Variants in HIVEP3 observed in about 807,000 individuals in gnomAD.
The protein encoded by HIVEP3 is HIVEP zinc finger 3, also known as transcription factor HIVEP3.
A neutral mutation model predicts 152.8 loss-of-function variants in HIVEP3; 49 were observed. The observed-to-expected ratio is 0.32, with a 90% confidence interval of 0.26 to 0.41. HIVEP3 has a LOEUF of 0.41. HIVEP3 is among the 10% of genes least tolerant of loss of function. HIVEP3 has a pLI of 1.00. For missense variants in HIVEP3, 2,790 were observed against 3,103.3 expected (o/e 0.90, Z 2.40); for synonymous variants, 1,269 against 1,289.0 (o/e 0.98, Z 0.33).
At chr1:41,779,233 G>A (rs1004583894) in intron 1 of HIVEP3, among the ~76,000 whole-genome samples, 1 of 152,182 alleles carries the variant, frequency 6.6e-6, no homozygotes. Flanking sequence ...CCAATGAGAG[G>A]TGTCTGCAGT....
chr1:41,616,620 C>CT (rs34266558), intron 3 of HIVEP3, among the ~76,000 whole-genome samples: 57,566 of 112,430 alleles, frequency 0.51, 15,743 homozygotes, highest in Non-Finnish European at 0.56. Context: ...GATGGGGAGC[C>CT]TTTTTTTTTT....
intron 1 of HIVEP3, among the ~76,000 whole-genome samples, chr1:41,965,102 G>GA (rs1301684669): frequency 1.3e-5 from 2 of 152,218 alleles, no homozygotes; most frequent in Non-Finnish European, 2.9e-5. Flanking sequence ...CTCCACTGGT[G>GA]ACACCTCTAG....
rs984431665 is a variant in HIVEP3 at position 41,583,763 on chromosome 1, T to C, written c.1035A>G (p.Ser345=). 6.3e-7 allele frequency: 1 copy of C among 1,593,092 alleles called. No homozygotes were observed. The highest frequency in any genetic ancestry group is 8.6e-7 in the Non-Finnish European group (1 of 1,169,262). Residue 345 remains serine, a synonymous_variant, in exon 4 of 9, where the codon TCA becomes TCG. Coordinates refer to ENST00000372583, the MANE Select transcript of HIVEP3 (RefSeq NM_024503.5). The surrounding 1 kb of genome is among the most constrained non-coding windows in gnomAD (Gnocchi z 6.9). ...GTTTATGGCTCAGGGGGTGCTCAGA[T>C]GAGGGTTCCACAAATGGAGGGGGGT... ...LEDPPPFVEP[S]SEHPLSHKPE...
At chr1:41,940,602 G>C (rs2124484938) in intron 1 of HIVEP3, among the ~76,000 whole-genome samples, 1 of 152,316 alleles carries the variant, frequency 6.6e-6, no homozygotes, top group South Asian at 2.1e-4. Context: ...TGGCTTAGGA[G>C]AGTGATCCCA....
chr1:41,804,978 T>C (rs1368311080), intron 1 of HIVEP3, among the ~76,000 whole-genome samples: 1 of 152,206 alleles, frequency 6.6e-6, no homozygotes, highest in African/African-American at 2.4e-5. Flanking sequence ...ACTTTCCCGG[T>C]AGGCAAGTGC....
At chr1:41,829,135 T>C (rs349422) in intron 1 of HIVEP3, among the ~76,000 whole-genome samples, 118,851 of 152,002 alleles carry the variant, frequency 0.78, 46,742 homozygotes, top group East Asian at 1. Flanking sequence ...CCCGGCACTA[T>C]ATCATGAATG....
intron 1 of HIVEP3, among the ~76,000 whole-genome samples, chr1:41,717,786 T>G (rs1195854354): frequency 6.6e-6 from 1 of 152,216 alleles, no homozygotes; most frequent in Non-Finnish European, 1.5e-5. Context: ...ATATGTGGAC[T>G]GGGCACATTT....
upstream of HIVEP3, among the ~76,000 whole-genome samples, chr1:41,922,704 T>A (rs1325744651): frequency 6.6e-6 from 1 of 152,110 alleles, no homozygotes; most frequent in Non-Finnish European, 1.5e-5. Context: ...ATCTATCTCT[T>A]ACATATATGT....
chr1:41,859,830 T>C (rs1306893945), intron 1 of HIVEP3, among the ~76,000 whole-genome samples: 3 of 152,214 alleles, frequency 2.0e-5, no homozygotes, highest in Non-Finnish European at 4.4e-5. Context: ...CTCTTGCGAA[T>C]TGCCTGTTCA....
rs1371537493 is a variant in HIVEP3 at position 41,575,557 on chromosome 1, T to C, written c.5194A>G (p.Ile1732Val). Residue 1732 changes from isoleucine (I) to valine (V), a missense_variant, in exon 5 of 9, where the codon ATC (isoleucine) becomes GTC (valine). By Grantham distance (29) the Ile-to-Val change is conservative. Coordinates refer to ENST00000372583, the MANE Select transcript of HIVEP3 (RefSeq NM_024503.5). ...CATGAGTCTTACCCTCCTTCGAAGA[T>C]TTTGATCCTCGCCGGCTCCCCTCTC... ...SQRGEPARIK[I>V]FEGGYKSNEE... is the part of the protein sequence containing the mutation. 1.2e-6 allele frequency: 2 copies of C among 1,613,994 alleles called. No homozygotes were observed. Among genetic ancestry groups the C allele is most frequent in the East Asian group, 2.2e-5 (1 of 44,892 alleles).
At chr1:41,530,408 T>C (rs1055531325) in intron 5 of HIVEP3, among the ~76,000 whole-genome samples, 1 of 152,226 alleles carries the variant, frequency 6.6e-6, no homozygotes, top group Non-Finnish European at 1.5e-5. Context: ...CCAAAACCAG[T>C]TGCTCACACC....
intron 3 of HIVEP3, among the ~76,000 whole-genome samples, chr1:41,601,045 G>A (rs763281167): frequency 2.6e-5 from 4 of 152,098 alleles, no homozygotes; most frequent in African/African-American, 4.8e-5. Flanking sequence ...CTTGGCACCC[G>A]TGTTGAAGAT....
intron 1 of HIVEP3, among the ~76,000 whole-genome samples, chr1:41,907,392 T>G (rs1319346378): frequency 1.3e-5 from 2 of 152,158 alleles, no homozygotes; most frequent in Non-Finnish European, 2.9e-5. Context: ...CACCTTGAAC[T>G]CTGGGAAAGA....
chr1:41,809,373 T>C (rs941500471), intron 1 of HIVEP3, among the ~76,000 whole-genome samples: 2 of 152,146 alleles, frequency 1.3e-5, no homozygotes, highest in African/African-American at 4.8e-5. Context: ...AAAGACACGG[T>C]CTTCATGCCA....
intron 1 of HIVEP3, among the ~76,000 whole-genome samples, chr1:41,841,631 T>C (rs1327836568): frequency 6.6e-6 from 1 of 152,204 alleles, no homozygotes; most frequent in Non-Finnish European, 1.5e-5. Flanking sequence ...CCAAAACCGC[T>C]GACTTCGTCC....
At chr1:41,621,704 G>T (rs1324146264) in intron 3 of HIVEP3, among the ~76,000 whole-genome samples, 1 of 152,144 alleles carries the variant, frequency 6.6e-6, no homozygotes, top group Non-Finnish European at 1.5e-5. Context: ...TAGTTTTTGA[G>T]ATGAGGTCTC....
chr1:41,768,848 G>A (rs1434354453), intron 1 of HIVEP3, among the ~76,000 whole-genome samples: 1 of 152,218 alleles, frequency 6.6e-6, no homozygotes, highest in Non-Finnish European at 1.5e-5. Context: ...GCTTTGCTTG[G>A]CCTAACCAGA....
chr1:41,879,887 T>C (rs576493737), intron 1 of HIVEP3, among the ~76,000 whole-genome samples: 1 of 152,056 alleles, frequency 6.6e-6, no homozygotes. Context: ...CCAAGAAAAA[T>C]AGCCAACTCA....
At chr1:41,814,573 T>C (rs1286385056) in intron 1 of HIVEP3, among the ~76,000 whole-genome samples, 3 of 152,246 alleles carry the variant, frequency 2.0e-5, no homozygotes, top group Non-Finnish European at 4.4e-5. Context: ...TTGCATAACC[T>C]GGGTGAAACG....
Sources: allele counts gnomAD v4.1 joint callset (sites outside exome capture counted in the v4.1 genomes callset), GRCh38; gene constraint gnomAD v4.1.1; non-coding constraint Gnocchi (gnomAD v3.1); transcripts MANE v1.5; gene names NCBI Gene and HGNC (gene_info 2026-07-23, HGNC 2026-07-21).